Variants in MTO1 observed in about 807,000 individuals in gnomAD.
MTO1 encodes the protein 5-taurinomethyluridine-[tRNA] synthase subunit MTO1, mitochondrial.
A neutral mutation model predicts 71.6 loss-of-function variants in MTO1; 46 were observed. That is an observed-to-expected ratio of 0.64 (90% confidence interval 0.51 to 0.82). The LOEUF (loss-of-function observed/expected upper bound fraction) is 0.82, where lower values mean the gene tolerates loss of function less well. MTO1 is among the 40% of genes least tolerant of loss of function. The pLI is 0.00. For synonymous variants in MTO1, 297 were observed against 312.1 expected, an observed-to-expected ratio of 0.95 and a Z score of 0.51; for missense variants, 773 against 867.5, an observed-to-expected ratio of 0.89 and a Z score of 1.37.
intron 9 of MTO1, among the ~76,000 whole-genome samples, chr6:73,484,946 C>T (rs1771608631): frequency 6.6e-6 from 1 of 151,148 alleles, no homozygotes; most frequent in South Asian, 2.1e-4. Flanking sequence ...ATTCAAGAGG[C>T]TGAGGGAGGA....
At chr6:73,483,151 A>G (rs1029502632) in intron 9 of MTO1, among the ~76,000 whole-genome samples, 1 of 152,086 alleles carries the variant, frequency 6.6e-6, no homozygotes, top group Non-Finnish European at 1.5e-5. Context: ...GCTCACACCT[A>G]TAATCCCAGA....
intron 3 of MTO1, 132 bp from the exon 4 acceptor site, chr6:73,473,233 T>A: frequency 1.0e-6 from 1 of 965,938 alleles, no homozygotes; most frequent in East Asian, 2.7e-5. Flanking sequence ...GAGCGGACAT[T>A]GCACCACTGC....
rs763650850 is a variant in MTO1 at position 73,473,450 on chromosome 6, G to A, written c.621G>A (p.Thr207=). The part of the protein sequence containing the change: ...LRGMIVIGLE[T]HPAGRLGDQP... ...GCATGATTGTAATTGGATTGGAGAC[G>A]CATCCAGCAGGACGTTTAGGGGATC... Residue 207 remains threonine, a synonymous_variant, in exon 4 of 12, where the codon ACG becomes ACA. Coordinates refer to ENST00000498286, the MANE Select transcript of MTO1 (RefSeq NM_012123.4). The A allele has an allele frequency of 1.7e-5, 28 of 1,613,946 alleles. No individual in the cohort carries two copies. Among genetic ancestry groups the A allele is most frequent in the Admixed American group, 8.3e-5 (5 of 59,968 alleles).
At chr6:73,463,253 G>A (rs539047478) in intron 1 of MTO1, among the ~76,000 whole-genome samples, 1 of 151,520 alleles carries the variant, frequency 6.6e-6, no homozygotes, top group Non-Finnish European at 1.5e-5. Context: ...GGATGGTCTC[G>A]ATCTCCTGAC....
At chr6:73,470,107 A>G (rs1418324203) in intron 3 of MTO1, among the ~76,000 whole-genome samples, 3 of 152,322 alleles carry the variant, frequency 2.0e-5, no homozygotes, top group African/African-American at 4.8e-5. Flanking sequence ...AGAGAGTAAT[A>G]TGGCTACCCA....
intron 1 of MTO1, among the ~76,000 whole-genome samples, chr6:73,464,649 C>G (rs929898569): frequency 2.9e-5 from 4 of 139,314 alleles, no homozygotes; most frequent in African/African-American, 8.0e-5. Flanking sequence ...CAAGAATGAT[C>G]AATAAATACT....
rs773614730 is a variant in MTO1, at chr6:73,482,139, C to T, written c.1360C>T (p.Leu454Phe). The T allele has an allele frequency of 1.2e-6, 2 of 1,614,014 alleles. No homozygotes were observed. The highest frequency in any genetic ancestry group is 4.5e-5 in the East Asian group (2 of 44,898). ...EGYIGVLIDD[L>F]TTLGTSEPYR... ...TTACATAGGAGTCTTGATTGATGACCTCACTACTCTGGGCACCAGTGAACC... is the reference window on the plus strand; with the variant it reads ...TTACATAGGAGTCTTGATTGATGACTTCACTACTCTGGGCACCAGTGAACC... Residue 454 changes from leucine to phenylalanine, a missense_variant, in exon 8 of 12, where the codon CTC (leucine) becomes TTC (phenylalanine). By Grantham distance (22) the Leu-to-Phe change is conservative (BLOSUM62 0). Transcript: ENST00000498286.
rs780656358 is a variant in MTO1 at position 73,500,712 on chromosome 6, A to G, written c.2056A>G (p.Arg686Gly). 5.7e-6 allele frequency: 9 copies of G among 1,592,422 alleles called. No individual in the cohort carries two copies. Among genetic ancestry groups the G allele is most frequent in the Non-Finnish European group, 7.7e-6 (9 of 1,171,832 alleles). The change falls in exon 12 of 12, where the codon AGA (arginine) becomes GGA (glycine). Residue 686 changes from arginine (R) to glycine (G), a missense_variant. By Grantham distance (125) the Arg-to-Gly change is moderately radical. Coordinates refer to ENST00000498286, the MANE Select transcript of MTO1 (RefSeq NM_012123.4). Reference protein sequence around the residue: ...KTDQYLCDADRLQEREL With the variant: ...KTDQYLCDADGLQEREL ...TGATCAATACTTATGTGATGCAGAC[A>G]GACTTCAAGAGAGAGAGTTATAGCT...
At chr6:73,495,064 G>A (rs1286929155) in intron 10 of MTO1, among the ~76,000 whole-genome samples, 10 of 151,938 alleles carry the variant, frequency 6.6e-5, no homozygotes, top group South Asian at 4.2e-4. Context: ...GATTACAAGC[G>A]TGAGCCACCA....
At chr6:73,481,379 TTATTA>T (rs1349492088) in intron 7 of MTO1, among the ~76,000 whole-genome samples, 1 of 152,146 alleles carries the variant, frequency 6.6e-6, no homozygotes, top group African/African-American at 2.4e-5. Flanking sequence ...TCATTAGAAA[TTATTA>T]TATTATTATT....
At position 73,497,748 on chromosome 6, in the gene MTO1, C is replaced by CA; in HGVS notation, c.1770dup (p.Val591SerfsTer16). 2 of 1,612,182 alleles carry CA rather than the reference C, an allele frequency of 1.2e-6. No homozygotes were observed. The highest frequency in any genetic ancestry group is 1.7e-6 in the Non-Finnish European group (2 of 1,178,716). ...TTTTGTTGACCAGCCACTTATGAAT[C>CA]AGTGTTGTTCCATCAACTACAAGAA... On this transcript the variant is annotated frameshift_variant, in exon 11 of 12. Transcript: ENST00000498286. LOFTEE classifies it high-confidence loss of function.
intron 9 of MTO1, among the ~76,000 whole-genome samples, chr6:73,485,946 C>G (rs974541644): frequency 2.0e-5 from 3 of 151,996 alleles, no homozygotes; most frequent in Non-Finnish European, 4.4e-5. Flanking sequence ...CACATACACA[C>G]ACACACACAC....
intron 9 of MTO1, among the ~76,000 whole-genome samples, chr6:73,491,176 A>G (rs1448555180): frequency 2.0e-5 from 3 of 152,154 alleles, no homozygotes; most frequent in Non-Finnish European, 2.9e-5. Context: ...GCTTTAGCCC[A>G]TCCAGAGTGG....
At chr6:73,482,911 C>T (rs1292057078) in intron 9 of MTO1, among the ~76,000 whole-genome samples, 2 of 150,742 alleles carry the variant, frequency 1.3e-5, no homozygotes, top group Admixed American at 6.7e-5. Context: ...CCTGCCTCAG[C>T]CCCCCGAGTA....
Position 73,505,067 on chromosome 6 carries a change from C to G in MTO1, c.*4332C>G, listed in dbSNP as rs540899160. On this transcript the variant is annotated 3_prime_UTR_variant, in exon 12 of 12. Transcript: ENST00000498286. ...GGCGTGGTGGCATGCGCCTGTAATC[C>G]GAGCTACTCAGGTGGCTGAGGCACA... The G allele has an allele frequency of 6.6e-6, 1 of 151,768 alleles. No homozygotes were observed. Among genetic ancestry groups the G allele is most frequent in the Non-Finnish European group, 1.5e-5 (1 of 68,034 alleles). 9.4% of individuals were successfully genotyped at this position (151,768 alleles called of 1,614,324 possible).
intron 10 of MTO1, among the ~76,000 whole-genome samples, chr6:73,496,117 A>G (rs1771971312): frequency 1.3e-5 from 2 of 152,158 alleles, no homozygotes; most frequent in South Asian, 4.1e-4. Context: ...TAAGTCCCAA[A>G]ATGATGATGA....
At chr6:73,474,195 C>T (rs1385225764) in intron 4 of MTO1, among the ~76,000 whole-genome samples, 1 of 151,932 alleles carries the variant, frequency 6.6e-6, no homozygotes, top group African/African-American at 2.4e-5. Context: ...TGGGTTCAAG[C>T]AGTTCTTCTG....
intron 9 of MTO1, among the ~76,000 whole-genome samples, chr6:73,487,055 A>G (rs962300829): frequency 1.3e-5 from 2 of 152,152 alleles, no homozygotes; most frequent in African/African-American, 4.8e-5. Flanking sequence ...CATTTTATGT[A>G]TATACCACAT....
At chr6:73,467,381 A>G (rs189617124) in intron 3 of MTO1, among the ~76,000 whole-genome samples, 1 of 152,116 alleles carries the variant, frequency 6.6e-6, no homozygotes, top group Admixed American at 6.6e-5. Flanking sequence ...TTGGGAGGCC[A>G]AGGCAGGCAG....
Sources: gnomAD v4.1 joint callset for allele counts (sites outside exome capture counted in the v4.1 genomes callset) on GRCh38, gnomAD v4.1.1 for gene constraint, MANE v1.5 for transcripts, NCBI Gene and HGNC (gene_info 2026-07-23, HGNC 2026-07-21) for gene names.